PLXNC1: variants seen among roughly 807,000 people sequenced by gnomAD.
PLXNC1 encodes plexin C1.
PLXNC1 carries 75 observed loss-of-function variants against 178.2 expected under a neutral mutation model. The observed-to-expected ratio is 0.42, with a 90% CI of 0.35 to 0.51. The LOEUF (loss-of-function observed/expected upper bound fraction) is 0.51, where lower values mean the gene tolerates loss of function less well. Among genes scored for constraint, PLXNC1 ranks in the 20% least tolerant of loss-of-function variants. PLXNC1 has a pLI of 0.02. For synonymous variants in PLXNC1, 790 were observed against 779.9 expected (o/e 1.01, Z -0.22); for missense variants, 1,503 against 1,984.4 (o/e 0.76, Z 4.61).
intron 3 of PLXNC1, 24 bp from the exon 4 acceptor site, chr12:94,186,349 A>C (rs1962507854): frequency 6.5e-7 from 1 of 1,526,724 alleles, no homozygotes; most frequent in Admixed American, 1.7e-5. Context: ...ATTCCATCTG[A>C]ACCATTGTCC....
chr12:94,292,049 C>T (rs1035073253), intron 23 of PLXNC1, among the ~76,000 whole-genome samples: 4 of 152,158 alleles, frequency 2.6e-5, no homozygotes, highest in South Asian at 2.1e-4. Context: ...TAGCATGTAT[C>T]GGTAATTCTT....
At chr12:94,274,155 T>TTAAAAAAAAAAAAA (rs1190908348) in intron 21 of PLXNC1, among the ~76,000 whole-genome samples, 4 of 45,376 alleles carry the variant, frequency 8.8e-5, no homozygotes, top group African/African-American at 4.7e-4. Flanking sequence ...ACCCTGTCTC[T>TTAAAAAAAAAAAAA]AAAAAAAAAA....
intron 28 of PLXNC1, among the ~76,000 whole-genome samples, chr12:94,301,436 T>C (rs1968459816): frequency 6.6e-6 from 1 of 152,226 alleles, no homozygotes; most frequent in South Asian, 2.1e-4. Context: ...TATTTGAATA[T>C]AACACATTGC....
chr12:94,242,419 C>T (rs1833000440), intron 11 of PLXNC1, among the ~76,000 whole-genome samples: 1 of 150,936 alleles, frequency 6.6e-6, no homozygotes, highest in African/African-American at 2.5e-5. Context: ...AGTGATTCTC[C>T]TGCCTCAGCC....
chr12:94,249,949 GAACA>G (rs1964633748), intron 14 of PLXNC1, among the ~76,000 whole-genome samples: 2 of 105,572 alleles, frequency 1.9e-5, no homozygotes, highest in Non-Finnish European at 3.9e-5. Flanking sequence ...GGGGGGGTGG[GAACA>G]GGAGCAGGTA....
intron 17 of PLXNC1, among the ~76,000 whole-genome samples, chr12:94,257,226 G>T (rs1017615170): frequency 6.6e-6 from 1 of 152,152 alleles, no homozygotes; most frequent in African/African-American, 2.4e-5. Flanking sequence ...GGAGGTTGGG[G>T]GCTGTGGGGG....
chr12:94,153,523 CT>C (rs1468011287), intron 1 of PLXNC1, among the ~76,000 whole-genome samples: 1 of 152,210 alleles, frequency 6.6e-6, no homozygotes, highest in Admixed American at 6.5e-5. Context: ...CTCACTACCC[CT>C]GGCACACCAA....
rs563659914 is a variant in PLXNC1, at chr12:94,206,057, C to T, written c.1440-3533C>T. Among the ~76,000 whole-genome samples, 10 of 152,330 alleles carry T rather than the reference C, an allele frequency of 6.6e-5. No individual in the cohort carries two copies. In the South Asian group the frequency reaches 2.1e-3, roughly 32 times the overall value. On this transcript the variant is annotated intron_variant, in intron 4 of 30. Transcript: ENST00000258526. ...TAACTGCAAACACTCCCATCAGTGCCTGGCACACAGTAATGTTTCCTCCAT... is the reference window on the plus strand; with the variant it reads ...TAACTGCAAACACTCCCATCAGTGCTTGGCACACAGTAATGTTTCCTCCAT...
At chr12:94,247,252 G>T (rs1964553868) in intron 12 of PLXNC1, among the ~76,000 whole-genome samples, 1 of 151,898 alleles carries the variant, frequency 6.6e-6, no homozygotes, top group Admixed American at 6.6e-5. Context: ...TGTAAATCAG[G>T]CCACCTTTTT....
chr12:94,254,794 G>A lies in PLXNC1; in HGVS notation c.2889G>A (p.Val963=), dbSNP rs139238009. ...AGCATCTCTGTCTCTTAGCGGCCGT[G>A]GGGGTGACCAGGCACAAATCGAAGG... ...VLLVIVIFAA[V]GVTRHKSKEL... Residue 963 remains valine, a synonymous_variant, in exon 16 of 31, where the codon GTG becomes GTA. Transcript: ENST00000258526. 1 of 1,595,502 alleles carries A rather than the reference G, an allele frequency of 6.3e-7. No individual in the cohort carries two copies. The highest frequency in any genetic ancestry group is 8.5e-7 in the Non-Finnish European group (1 of 1,174,704).
intron 21 of PLXNC1, among the ~76,000 whole-genome samples, chr12:94,275,775 A>T (rs1263891411): frequency 1.1e-5 from 1 of 94,304 alleles, no homozygotes; most frequent in Non-Finnish European, 2.2e-5. Context: ...GAATGGCGTG[A>T]ACCCGGGAGG....
intron 21 of PLXNC1, among the ~76,000 whole-genome samples, chr12:94,270,557 T>C (rs1397636779): frequency 6.6e-6 from 1 of 152,080 alleles, no homozygotes; most frequent in Non-Finnish European, 1.5e-5. Flanking sequence ...AGTCTGAAAC[T>C]CATGGGGCTC....
At chr12:94,183,075 A>T (rs1351301159) in intron 3 of PLXNC1, among the ~76,000 whole-genome samples, 1 of 152,236 alleles carries the variant, frequency 6.6e-6, no homozygotes, top group African/African-American at 2.4e-5. Context: ...AGTGCAAAGA[A>T]GATAATTGAG....
At chr12:94,253,800 A>C (rs534091992) in intron 15 of PLXNC1, among the ~76,000 whole-genome samples, 1 of 151,938 alleles carries the variant, frequency 6.6e-6, no homozygotes, top group Non-Finnish European at 1.5e-5. Context: ...CGGCCTCCCA[A>C]GTAGCTGGGA....
chr12:94,155,323 A>G (rs867013549), intron 1 of PLXNC1, among the ~76,000 whole-genome samples: 1 of 152,200 alleles, frequency 6.6e-6, no homozygotes, highest in African/African-American at 2.4e-5. Context: ...CTAGAAATGC[A>G]CATTCTTGGA....
intron 23 of PLXNC1, among the ~76,000 whole-genome samples, chr12:94,286,616 CAAAA>C (rs61238982): frequency 0.16 from 15,809 of 101,348 alleles, 695 homozygotes; most frequent in South Asian, 0.23. Flanking sequence ...TGCTTAAAAG[CAAAA>C]AAAAAAAAAA....
At chr12:94,219,803 T>A (rs11519683) in intron 5 of PLXNC1, among the ~76,000 whole-genome samples, 2 of 116,396 alleles carry the variant, frequency 1.7e-5, no homozygotes, top group East Asian at 3.0e-4. Context: ...TCTTTTATAT[T>A]TTTATTTATT....
Position 94,307,252 on chromosome 12 carries a change from T to G in PLXNC1, c.*1967T>G, listed in dbSNP as rs1214915737. The G allele has an allele frequency of 6.6e-6, 1 of 150,492 alleles. No individual in the cohort carries two copies. Among genetic ancestry groups the G allele is most frequent in the Non-Finnish European group, 1.5e-5 (1 of 67,004 alleles). The allele number at this position is 150,492 out of a possible 1,614,324, so 9.3% of individuals were successfully genotyped here. A position where few individuals can be genotyped will look rare whatever the true frequency, so the allele number is the denominator to read the frequency against. On this transcript the variant is annotated 3_prime_UTR_variant, in exon 31 of 31. Coordinates refer to ENST00000258526, the MANE Select transcript of PLXNC1 (RefSeq NM_005761.3). Reference sequence around the variant, plus strand: ...TGTGCCTCAATTTCTGTATAATATTTCTAAGCTACCTCACTGAGGTGGTAT... The same window carrying G: ...TGTGCCTCAATTTCTGTATAATATTGCTAAGCTACCTCACTGAGGTGGTAT...
chr12:94,226,170 T>G (rs1335918661), intron 7 of PLXNC1, among the ~76,000 whole-genome samples: 1 of 152,226 alleles, frequency 6.6e-6, no homozygotes, highest in Non-Finnish European at 1.5e-5. Flanking sequence ...GCTTGCCAGC[T>G]AACACTTTCT....
Sources: gnomAD v4.1 joint callset for allele counts (sites outside exome capture counted in the v4.1 genomes callset) on GRCh38, gnomAD v4.1.1 for gene constraint, MANE v1.5 for transcripts, NCBI Gene and HGNC (gene_info 2026-07-23, HGNC 2026-07-21) for gene names.